IKZF2: variants seen among roughly 807,000 people sequenced by gnomAD.
IKZF2 encodes IKAROS family zinc finger 2, also known as zinc finger protein Helios.
In IKZF2, 15 loss-of-function variants were observed where a neutral mutation model predicts 49.2. The ratio of observed to expected loss-of-function variants is 0.30; its 90% CI spans 0.20 to 0.47. The LOEUF (loss-of-function observed/expected upper bound fraction) is 0.47, where lower values mean the gene tolerates loss of function less well. Among genes scored for constraint, IKZF2 ranks in the 20% least tolerant of loss-of-function variants. The pLI is 1.00. For synonymous variants in IKZF2, 227 were observed against 221.4 expected, an observed-to-expected ratio of 1.03 and a Z score of -0.23; for missense variants, 567 against 664.6, an observed-to-expected ratio of 0.85 and a Z score of 1.61.
intron 5 of IKZF2, among the ~76,000 whole-genome samples, chr2:213,050,751 A>G (rs1700604406): frequency 1.3e-5 from 2 of 152,142 alleles, no homozygotes; most frequent in African/African-American, 4.8e-5. Context: ...TGACTCACCA[A>G]TGTCATCAAA....
chr2:213,104,592 C>G (rs184860396), intron 4 of IKZF2, among the ~76,000 whole-genome samples: 4 of 152,212 alleles, frequency 2.6e-5, no homozygotes, highest in Admixed American at 2.0e-4. Flanking sequence ...AGGAGGTGTT[C>G]TCTTCTAGAT....
intron 4 of IKZF2, among the ~76,000 whole-genome samples, chr2:213,122,099 G>C (rs145186545): frequency 6.6e-6 from 1 of 151,818 alleles, no homozygotes; most frequent in African/African-American, 2.4e-5. Context: ...GACAGACAGA[G>C]AGACAGAGAG....
At chr2:213,102,569 T>C (rs190887836) in intron 4 of IKZF2, among the ~76,000 whole-genome samples, 42 of 151,630 alleles carry the variant, frequency 2.8e-4, no homozygotes, top group African/African-American at 9.9e-4. Flanking sequence ...GTCAATCTCA[T>C]AAAATCTCAA....
intron 6 of IKZF2, among the ~76,000 whole-genome samples, chr2:213,039,571 T>A (rs1344328187): frequency 6.6e-6 from 1 of 152,026 alleles, no homozygotes; most frequent in Non-Finnish European, 1.5e-5. Context: ...CCTAAAGTGT[T>A]TGGAAGTAAG....
At chr2:213,020,678 G>A (rs1409552250) in intron 7 of IKZF2, among the ~76,000 whole-genome samples, 1 of 152,122 alleles carries the variant, frequency 6.6e-6, no homozygotes, top group Non-Finnish European at 1.5e-5. Flanking sequence ...AAATGCTTCA[G>A]TTGTTCAGGA....
In IKZF2 at chr2:213,021,827, A is replaced by G. The variant is rs1376585641; in HGVS notation, c.712+166T>C. 4 of 693,368 alleles carry G rather than the reference A, an allele frequency of 5.8e-6. No homozygotes were observed. The East Asian group carries it at 8.5e-5, about 15-fold the overall frequency. 43.0% of individuals were successfully genotyped at this position (693,368 alleles called of 1,614,324 possible). On this transcript the variant is annotated intron_variant, in intron 7 of 8. Transcript: ENST00000434687. ...CAAACATTATCAGAAATAATTTGGG[A>G]GTATTGCAAAATTTCAATACAGATT...
chr2:213,128,635 G>A (rs548964025), intron 4 of IKZF2, among the ~76,000 whole-genome samples: 2 of 151,686 alleles, frequency 1.3e-5, no homozygotes, highest in East Asian at 3.9e-4. Context: ...TGTTGTTGTT[G>A]TTGTTTTTCA....
At chr2:213,014,158 T>C in intron 7 of IKZF2, 1 of 334,516 alleles carries the variant, frequency 3.0e-6, no homozygotes, top group Non-Finnish European at 5.5e-6. Context: ...ATCCATGACA[T>C]ACATACACTG....
At chr2:213,135,369 T>C (rs989384614) in intron 4 of IKZF2, among the ~76,000 whole-genome samples, 2 of 152,148 alleles carry the variant, frequency 1.3e-5, no homozygotes, top group Non-Finnish European at 1.5e-5. Flanking sequence ...ATTCAGAGTA[T>C]ATAACATTAT....
chr2:213,060,344 A>T (rs986907498), intron 4 of IKZF2, among the ~76,000 whole-genome samples: 1 of 151,442 alleles, frequency 6.6e-6, no homozygotes, highest in African/African-American at 2.4e-5. Flanking sequence ...GACTTTTGTT[A>T]TAATATTCGT....
rs1695145621 is a variant in IKZF2 at position 213,004,261 on chromosome 2, A to T, written c.*3099T>A. ...TACTACGTAGCCAAATCTAAGTCGT[A>T]GTTTCTTATTTTCCCAATTTTGTCC... On this transcript the variant is annotated 3_prime_UTR_variant, in exon 9 of 9. Coordinates refer to ENST00000434687, the MANE Select transcript of IKZF2 (RefSeq NM_001387220.1). The T allele has an allele frequency of 6.6e-6, 1 of 151,804 alleles. No homozygotes were observed. Among genetic ancestry groups the T allele is most frequent in the African/African-American group, 2.4e-5 (1 of 41,384 alleles). 9.4% of individuals were successfully genotyped at this position (151,804 alleles called of 1,614,324 possible). A position where few individuals can be genotyped will look rare whatever the true frequency, so the allele number is the denominator to read the frequency against.
intron 4 of IKZF2, among the ~76,000 whole-genome samples, chr2:213,061,771 C>A (rs1701716627): frequency 6.6e-6 from 1 of 151,222 alleles, no homozygotes. Context: ...AAATAAGTAA[C>A]CCATATTAAC....
intron 6 of IKZF2, among the ~76,000 whole-genome samples, chr2:213,041,207 A>G (rs1699606146): frequency 6.6e-6 from 1 of 152,172 alleles, no homozygotes; most frequent in African/African-American, 2.4e-5. Context: ...AGATTACTGA[A>G]TAGCAAGAGT....
At chr2:213,150,580 G>GA (rs980550240) in intron 1 of IKZF2, among the ~76,000 whole-genome samples, 31 of 149,836 alleles carry the variant, frequency 2.1e-4, no homozygotes, top group South Asian at 6.4e-4. Context: ...CAGGAAAGAG[G>GA]AAAAAAAAGA....
intron 4 of IKZF2, among the ~76,000 whole-genome samples, chr2:213,123,933 G>A (rs1240494434): frequency 2.8e-4 from 9 of 32,426 alleles, no homozygotes; most frequent in Non-Finnish European, 5.6e-4. Context: ...TTTAGCTTGA[G>A]TCTTAGTGAA....
chr2:213,100,307 A>G (rs951658439), intron 4 of IKZF2, among the ~76,000 whole-genome samples: 2 of 152,064 alleles, frequency 1.3e-5, no homozygotes, highest in African/African-American at 4.8e-5. Flanking sequence ...CTGGTAACAA[A>G]TGCTTTCCAG....
At chr2:213,141,841 C>A (rs1232011027) in intron 4 of IKZF2, among the ~76,000 whole-genome samples, 2 of 151,836 alleles carry the variant, frequency 1.3e-5, no homozygotes, top group Admixed American at 6.6e-5. Context: ...ATGAGGTATC[C>A]CACAAATATT....
intron 4 of IKZF2, among the ~76,000 whole-genome samples, chr2:213,133,661 C>G (rs1482405724): frequency 6.6e-6 from 1 of 151,240 alleles, no homozygotes; most frequent in Non-Finnish European, 1.5e-5. Context: ...GATCGCACCA[C>G]CGCACTCTAG....
chr2:213,147,958 C>A, intron 3 of IKZF2, 146 bp from the exon 4 acceptor site: 1 of 614,684 alleles, frequency 1.6e-6, no homozygotes, highest in Non-Finnish European at 2.9e-6. Context: ...AAGGAAATAT[C>A]ATTTAGAAAT....
Sources: allele counts gnomAD v4.1 joint callset (sites outside exome capture counted in the v4.1 genomes callset), GRCh38; gene constraint gnomAD v4.1.1; transcripts MANE v1.5; gene names NCBI Gene and HGNC (gene_info 2026-07-23, HGNC 2026-07-21).